GCH1: variants seen among roughly 807,000 people sequenced by gnomAD.
GCH1 encodes the protein GTP cyclohydrolase 1.
In GCH1, 5 loss-of-function variants were observed where a neutral mutation model predicts 25.9. The observed-to-expected ratio is 0.19, with a 90% CI of 0.10 to 0.41. GCH1 has a LOEUF of 0.41. GCH1 is among the 10% of genes least tolerant of loss of function. The pLI is 1.00. For missense variants in GCH1, 261 were observed against 336.5 expected (o/e 0.78, Z 1.75); for synonymous variants, 159 against 129.6 (o/e 1.23, Z -1.54).
chr14:54,848,387 A>T (rs1359016523), intron 3 of GCH1, among the ~76,000 whole-genome samples: 1 of 152,108 alleles, frequency 6.6e-6, no homozygotes, highest in Non-Finnish European at 1.5e-5. Flanking sequence ...TGCCCACCAC[A>T]GTCTCCCAAA....
chr14:54,890,968 T>C (rs2040414948), intron 1 of GCH1, among the ~76,000 whole-genome samples: 1 of 152,208 alleles, frequency 6.6e-6, no homozygotes, highest in African/African-American at 2.4e-5. Context: ...CAATCATCTT[T>C]GTTTCCCCTT....
At chr14:54,873,873 A>G (rs2040117820) in intron 1 of GCH1, among the ~76,000 whole-genome samples, 1 of 152,120 alleles carries the variant, frequency 6.6e-6, no homozygotes. Flanking sequence ...AACCAAAAAA[A>G]TCCAGGACCA....
chr14:54,894,392 C>A (rs2040459444), intron 1 of GCH1, among the ~76,000 whole-genome samples: 1 of 152,186 alleles, frequency 6.6e-6, no homozygotes, highest in African/African-American at 2.4e-5. Context: ...GAGGCAAGGA[C>A]AGCCTCCCCC....
chr14:54,894,247 T>A (rs894401351), intron 1 of GCH1, among the ~76,000 whole-genome samples: 4 of 152,180 alleles, frequency 2.6e-5, no homozygotes, highest in Admixed American at 1.3e-4. Flanking sequence ...TGGAGTAAAG[T>A]GGACCCTGCC....
At chr14:54,870,530 T>G (rs1057478600) in intron 1 of GCH1, among the ~76,000 whole-genome samples, 1 of 152,106 alleles carries the variant, frequency 6.6e-6, no homozygotes, top group African/African-American at 2.4e-5. Flanking sequence ...GCGCACCCAG[T>G]GAGCCAAAGC....
chr14:54,873,576 A>G (rs2040113052), intron 1 of GCH1, among the ~76,000 whole-genome samples: 1 of 152,226 alleles, frequency 6.6e-6, no homozygotes, highest in Non-Finnish European at 1.5e-5. Flanking sequence ...TGAAAAGATC[A>G]ATAAAATTGA....
Position 54,842,185 on chromosome 14 carries a change from C to T in GCH1, c.*1832G>A, listed in dbSNP as rs1422215227. The T allele has an allele frequency of 6.6e-6, 1 of 152,360 alleles. No individual in the cohort carries two copies. The highest frequency in any genetic ancestry group is 1.5e-5 in the Non-Finnish European group (1 of 68,010). 9.4% of individuals were successfully genotyped at this position (152,360 alleles called of 1,614,324 possible). A position where few individuals can be genotyped will look rare whatever the true frequency, so the allele number is the denominator to read the frequency against. On this transcript the variant is annotated 3_prime_UTR_variant, in exon 6 of 6. Transcript: ENST00000491895. ...GATATGAAAAGGTAATTTTGAAGTA[C>T]TAAAGACTAGAGTAAAACAGACAAA...
intron 1 of GCH1, among the ~76,000 whole-genome samples, chr14:54,879,756 T>A (rs762587581): frequency 3.9e-5 from 6 of 151,936 alleles, no homozygotes; most frequent in Non-Finnish European, 8.8e-5. Flanking sequence ...TCCCAGCACG[T>A]TCGGAGGCCG....
At chr14:54,867,589 C>CAAAAAAA (rs1029899399) in intron 1 of GCH1, among the ~76,000 whole-genome samples, 916 of 46,604 alleles carry the variant, frequency 0.02, 96 homozygotes, top group East Asian at 0.082. Flanking sequence ...GACTCCGTCT[C>CAAAAAAA]AAAAAAAAAA....
intron 1 of GCH1, among the ~76,000 whole-genome samples, chr14:54,889,328 C>T (rs1047533600): frequency 6.6e-6 from 1 of 152,184 alleles, no homozygotes; most frequent in Non-Finnish European, 1.5e-5. Flanking sequence ...GAACACTGTA[C>T]CACAAATGCC....
intron 3 of GCH1, among the ~76,000 whole-genome samples, chr14:54,847,945 T>A (rs2039668159): frequency 6.6e-6 from 1 of 152,144 alleles, no homozygotes; most frequent in Non-Finnish European, 1.5e-5. Context: ...CTTTGTTAAT[T>A]AATAGCACAC....
chr14:54,899,868 C>CTT (rs145278590), intron 1 of GCH1, among the ~76,000 whole-genome samples: 9 of 145,546 alleles, frequency 6.2e-5, no homozygotes, highest in African/African-American at 1.5e-4. Context: ...CATCCATGGA[C>CTT]TTTTTTTTTT....
intron 3 of GCH1, among the ~76,000 whole-genome samples, chr14:54,850,602 T>C (rs2039714236): frequency 1.3e-5 from 2 of 152,182 alleles, no homozygotes; most frequent in African/African-American, 4.8e-5. Flanking sequence ...ACTCATCATT[T>C]ACATTAGGTA....
intron 2 of GCH1, among the ~76,000 whole-genome samples, chr14:54,863,283 A>G (rs1458520064): frequency 6.6e-6 from 1 of 151,790 alleles, no homozygotes; most frequent in East Asian, 1.9e-4. Flanking sequence ...ATTAGCCAGC[A>G]TGGTGGCAGG....
At chr14:54,901,216 G>T (rs1430169587) in intron 1 of GCH1, among the ~76,000 whole-genome samples, 1 of 152,214 alleles carries the variant, frequency 6.6e-6, no homozygotes, top group African/African-American at 2.4e-5. Flanking sequence ...GGGGCAGGGA[G>T]ATTGCCTTTC....
chr14:54,883,902 G>A (rs1379437811), intron 1 of GCH1, among the ~76,000 whole-genome samples: 1 of 152,146 alleles, frequency 6.6e-6, no homozygotes, highest in Non-Finnish European at 1.5e-5. Context: ...GAGGCAGGAA[G>A]GACCCAGGTA....
chr14:54,865,412 T>C lies in GCH1; in HGVS notation c.368A>G (p.Asp123Gly), dbSNP rs2039976849. Residue 123 changes from aspartate to glycine, a missense_variant, in exon 2 of 6, where the codon GAT (aspartate) becomes GGT (glycine). Coordinates refer to ENST00000491895, the MANE Select transcript of GCH1 (RefSeq NM_000161.3). ...ISDVLNDAIF[D>G]EDHDEMVIVK... The stretch of plus-strand genomic sequence containing the variant: ...AATCACCATCTCATCATGATCTTCA[T>C]CAAATATAGCATCGTTTAGGACATC... 3 of 1,574,350 alleles carry C rather than the reference T, an allele frequency of 1.9e-6. No homozygotes were observed. Among genetic ancestry groups the C allele is most frequent in the South Asian group, 1.1e-5 (1 of 90,150 alleles).
Position 54,843,018 on chromosome 14 carries a change from G to T in GCH1, c.*999C>A. ...GTCTTCCACCGTCAGTTCATTCTGT[G>T]CTCGTTCAGGTGCGTGGAAGCTATG... is the stretch of plus-strand genomic sequence containing the variant. On this transcript the variant is annotated 3_prime_UTR_variant, in exon 6 of 6. Transcript: ENST00000491895. 1.2e-6 allele frequency: 1 copy of T among 830,416 alleles called. No homozygotes were observed. The highest frequency in any genetic ancestry group is 2.1e-6 in the Non-Finnish European group (1 of 465,680). The allele number at this position is 830,416 out of a possible 1,614,324, so 51.4% of individuals were successfully genotyped here.
At chr14:54,875,701 C>G (rs530105536) in intron 1 of GCH1, among the ~76,000 whole-genome samples, 3 of 152,318 alleles carry the variant, frequency 2.0e-5, no homozygotes, top group Non-Finnish European at 4.4e-5. Flanking sequence ...TGAACAGACA[C>G]TTCTCAAAAG....
Sources: gnomAD v4.1 joint callset for allele counts (sites outside exome capture counted in the v4.1 genomes callset) on GRCh38, gnomAD v4.1.1 for gene constraint, MANE v1.5 for transcripts, NCBI Gene and HGNC (gene_info 2026-07-23, HGNC 2026-07-21) for gene names.